Variants in ANKRD42 observed in about 807,000 individuals in gnomAD.
The protein encoded by ANKRD42 is ankyrin repeat domain-containing protein 42.
ANKRD42 carries 43 observed loss-of-function variants against 51.5 expected under a neutral mutation model. The ratio of observed to expected loss-of-function variants is 0.83; its 90% CI spans 0.65 to 1.08. The LOEUF is 1.08. Among genes scored for constraint, ANKRD42 ranks in the 50% least tolerant of loss-of-function variants. The pLI, the probability that ANKRD42 is intolerant of heterozygous loss-of-function variation, is 0.00. For missense variants in ANKRD42, 608 were observed against 629.3 expected, an observed-to-expected ratio of 0.97 and a Z score of 0.36; for synonymous variants, 203 against 213.0, an observed-to-expected ratio of 0.95 and a Z score of 0.41.
At chr11:83,231,180 T>C (rs1042499437) in intron 7 of ANKRD42, among the ~76,000 whole-genome samples, 6 of 152,222 alleles carry the variant, frequency 3.9e-5, no homozygotes, top group African/African-American at 1.4e-4. Context: ...TCACCAACAG[T>C]GTACGAGGGC....
At chr11:83,219,346 T>C (rs959080751) in intron 5 of ANKRD42, among the ~76,000 whole-genome samples, 2 of 152,176 alleles carry the variant, frequency 1.3e-5, no homozygotes, top group Admixed American at 6.5e-5. Context: ...TGCCAATGCG[T>C]CTTACCTATT....
At chr11:83,203,168 T>C (rs562988689) in intron 2 of ANKRD42, among the ~76,000 whole-genome samples, 2 of 151,824 alleles carry the variant, frequency 1.3e-5, no homozygotes, top group Admixed American at 6.6e-5. Context: ...TAATTTTTTG[T>C]ATTTTTGGTA....
chr11:83,241,402 T>C (rs966014438), intron 9 of ANKRD42, among the ~76,000 whole-genome samples: 2 of 152,048 alleles, frequency 1.3e-5, no homozygotes, highest in African/African-American at 4.8e-5. Flanking sequence ...AGAAAATAGA[T>C]ATATAAAGTA....
At chr11:83,261,439 T>C (rs189840861), downstream of ANKRD42, 2 of 152,428 alleles carry the variant, frequency 1.3e-5, no homozygotes, top group East Asian at 1.9e-4. Flanking sequence ...GTAAGTCACT[T>C]TGAAAACCCA....
At chr11:83,245,379 C>T in intron 9 of ANKRD42, 119 bp from the exon 10 acceptor site, 1 of 1,074,390 alleles carries the variant, frequency 9.3e-7, no homozygotes, top group South Asian at 1.9e-5. Flanking sequence ...CCTCCACCCC[C>T]CTCTCCAAAC....
intron 8 of ANKRD42, among the ~76,000 whole-genome samples, chr11:83,240,031 T>A (rs1863341396): frequency 6.6e-6 from 1 of 152,214 alleles, no homozygotes; most frequent in East Asian, 1.9e-4. Flanking sequence ...ATGTGTGTGT[T>A]TGGTTATGTA....
intron 5 of ANKRD42, among the ~76,000 whole-genome samples, chr11:83,216,761 AT>A (rs1169190709): frequency 2.0e-5 from 3 of 152,208 alleles, no homozygotes; most frequent in African/African-American, 7.2e-5. Context: ...AATATTATCC[AT>A]CCAGGACCGA....
chr11:83,208,375 G>A (rs1565179221), intron 3 of ANKRD42, among the ~76,000 whole-genome samples: 1 of 152,120 alleles, frequency 6.6e-6, no homozygotes, highest in Non-Finnish European at 1.5e-5. Flanking sequence ...TTGTGTGTGT[G>A]TGTGTGTGTG....
intron 7 of ANKRD42, among the ~76,000 whole-genome samples, chr11:83,234,999 G>A (rs970057945): frequency 2.0e-5 from 3 of 152,098 alleles, no homozygotes; most frequent in Admixed American, 6.6e-5. Context: ...AGGTGGGTTC[G>A]CTTTTTAAAG....
intron 2 of ANKRD42, among the ~76,000 whole-genome samples, chr11:83,205,317 T>C (rs1862028671): frequency 6.6e-6 from 1 of 152,176 alleles, no homozygotes. Flanking sequence ...TTTTTTAATA[T>C]TTTATTGTCA....
intron 6 of ANKRD42, among the ~76,000 whole-genome samples, chr11:83,227,313 A>G (rs1434170540): frequency 2.6e-5 from 4 of 151,996 alleles, no homozygotes; most frequent in East Asian, 3.9e-4. Flanking sequence ...GGGTTTCACC[A>G]TGTTGGCCAG....
At chr11:83,214,239 TTAG>T (rs1164419071) in intron 5 of ANKRD42, 6 of 180,432 alleles carry the variant, frequency 3.3e-5, no homozygotes, top group African/African-American at 1.4e-4. Flanking sequence ...TCCTTTGTAG[TTAG>T]TCCTTTCTGT....
rs773893068 is a variant in ANKRD42, at chr11:83,198,596, A to G, written c.176A>G (p.His59Arg). Residue 59 changes from histidine to arginine, a missense_variant, in exon 2 of 11, where the codon CAT becomes CGT. Physicochemically the swap from His to Arg is conservative, Grantham distance 29. Coordinates refer to ENST00000533342, the MANE Select transcript of ANKRD42 (RefSeq NM_001300975.2). ...AGCATTAATGAACTTGATGTTCTCC[A>G]TAAGTTTACCCCTTTACATTGGGCA... ...GASINELDVL[H>R]KFTPLHWAAH... The G allele has an allele frequency of 9.9e-6, 16 of 1,611,844 alleles. No individual in the cohort carries two copies. The highest frequency in any genetic ancestry group is 4.5e-5 in the East Asian group (2 of 44,804).
chr11:83,216,860 G>C (rs909447949), intron 5 of ANKRD42, among the ~76,000 whole-genome samples: 1 of 149,262 alleles, frequency 6.7e-6, no homozygotes, highest in Non-Finnish European at 1.5e-5. Context: ...CCTCCTCTGA[G>C]TCCCCCCTCT....
intron 7 of ANKRD42, among the ~76,000 whole-genome samples, chr11:83,230,530 A>G (rs887933122): frequency 1.3e-5 from 2 of 151,774 alleles, no homozygotes; most frequent in Non-Finnish European, 2.9e-5. Flanking sequence ...TGCCTGGCTT[A>G]TTTCACCTAA....
chr11:83,216,819 C>A (rs1485819065), intron 5 of ANKRD42, among the ~76,000 whole-genome samples: 1 of 152,142 alleles, frequency 6.6e-6, no homozygotes, highest in Non-Finnish European at 1.5e-5. Context: ...GCTTTCTGAG[C>A]CACTACTTGA....
chr11:83,225,075 G>A lies in ANKRD42; in HGVS notation c.787+20G>A, dbSNP rs1443147553. 1 of 1,587,370 alleles carries A rather than the reference G, an allele frequency of 6.3e-7. No individual in the cohort carries two copies. Among genetic ancestry groups the A allele is most frequent in the Non-Finnish European group, 8.6e-7 (1 of 1,159,322 alleles). ...AGGAAAGTAAGTAATTAAGTTATAT[G>A]TTCTAGCATATAATGTGATGATGAT... is the stretch of plus-strand genomic sequence containing the variant. On this transcript the variant is annotated intron_variant, in intron 6 of 10. Transcript: ENST00000533342.
rs977696585 is a variant in ANKRD42 at position 83,236,610 on chromosome 11, G to C, written c.1019+101G>C. 83 of 869,516 alleles carry C rather than the reference G, an allele frequency of 9.5e-5. No homozygotes were observed. In the African/African-American group the frequency reaches 1.2e-3, roughly 13 times the overall value. 53.9% of individuals were successfully genotyped at this position (869,516 alleles called of 1,614,324 possible). On this transcript the variant is annotated intron_variant, in intron 8 of 10. Coordinates refer to ENST00000533342, the MANE Select transcript of ANKRD42 (RefSeq NM_001300975.2). ...TCTGAAGTTTTAATGGAATTTTAGA[G>C]GACTCAATCAAATACAGATGGAATG...
chr11:83,254,185 G>A (rs1863723587), intron 11 of ANKRD42, among the ~76,000 whole-genome samples: 1 of 151,928 alleles, frequency 6.6e-6, no homozygotes. Context: ...TGTTGTCCAG[G>A]TTGGTCTCAA....
Sources: allele counts gnomAD v4.1 joint callset (sites outside exome capture counted in the v4.1 genomes callset), GRCh38; gene constraint gnomAD v4.1.1; transcripts MANE v1.5; gene names NCBI Gene and HGNC (gene_info 2026-07-23, HGNC 2026-07-21).